Variants in FSTL5 observed in about 807,000 individuals in gnomAD.
The protein encoded by FSTL5 is follistatin like 5.
A neutral mutation model predicts 89.1 loss-of-function variants in FSTL5; 62 were observed. That is an observed-to-expected ratio of 0.70 (90% confidence interval 0.57 to 0.86). The LOEUF is 0.86. Ranked by LOEUF, FSTL5 falls within the 40% of genes least tolerant of loss-of-function variation. The pLI is 0.00. For synonymous variants in FSTL5, 383 were observed against 346.2 expected (o/e 1.11, Z -1.18); for missense variants, 1,057 against 1,001.6 (o/e 1.06, Z -0.75).
chr4:162,147,702 T>C (rs562919159), intron 1 of FSTL5, among the ~76,000 whole-genome samples: 2 of 152,336 alleles, frequency 1.3e-5, no homozygotes, highest in African/African-American at 2.4e-5. Flanking sequence ...CTACTTCTTA[T>C]TCATTTGTAT....
chr4:161,399,722 C>A (rs764916625), intron 15 of FSTL5, among the ~76,000 whole-genome samples: 14 of 152,034 alleles, frequency 9.2e-5, no homozygotes, highest in Non-Finnish European at 1.5e-4. Flanking sequence ...TACTGTGATA[C>A]AAAATTTAAT....
At chr4:161,496,623 GC>G (rs1247887684) in intron 12 of FSTL5, among the ~76,000 whole-genome samples, 1 of 152,070 alleles carries the variant, frequency 6.6e-6, no homozygotes, top group Non-Finnish European at 1.5e-5. Flanking sequence ...CAGACTGATG[GC>G]CTCAACAGTA....
chr4:161,895,662 A>G (rs1279789429), intron 4 of FSTL5, among the ~76,000 whole-genome samples: 1 of 152,170 alleles, frequency 6.6e-6, no homozygotes, highest in Non-Finnish European at 1.5e-5. Context: ...AATAATGTCA[A>G]TGATTATAAT....
At chr4:161,563,422 T>C (rs1322330071) in intron 8 of FSTL5, among the ~76,000 whole-genome samples, 1 of 151,990 alleles carries the variant, frequency 6.6e-6, no homozygotes. Flanking sequence ...TTATAGTGAA[T>C]AGGGCTCCAA....
At chr4:162,120,443 T>C (rs1335442258) in intron 1 of FSTL5, among the ~76,000 whole-genome samples, 1 of 152,064 alleles carries the variant, frequency 6.6e-6, no homozygotes, top group Non-Finnish European at 1.5e-5. Context: ...TAAAGCAAAA[T>C]GTTTAAGAAC....
chr4:162,001,658 T>A (rs1736468710), intron 3 of FSTL5, among the ~76,000 whole-genome samples: 1 of 148,022 alleles, frequency 6.8e-6, no homozygotes. Context: ...ATGTGTAACA[T>A]TCAACTAGTG....
At chr4:161,934,202 C>T (rs1734369005) in intron 3 of FSTL5, among the ~76,000 whole-genome samples, 1 of 152,068 alleles carries the variant, frequency 6.6e-6, no homozygotes, top group Non-Finnish European at 1.5e-5. Context: ...GAACTATTAA[C>T]CATCACATTA....
At chr4:161,511,658 A>C (rs775668795) in intron 10 of FSTL5, among the ~76,000 whole-genome samples, 6 of 152,128 alleles carry the variant, frequency 3.9e-5, no homozygotes, top group South Asian at 2.1e-4. Context: ...AACATATTCA[A>C]TCTTTGTCAA....
chr4:161,865,565 CATG>C (rs1355955236), intron 4 of FSTL5, among the ~76,000 whole-genome samples: 1 of 152,106 alleles, frequency 6.6e-6, no homozygotes, highest in African/African-American at 2.4e-5. Context: ...TCAGAAAAAT[CATG>C]ATAAGACATA....
At chr4:161,779,494 C>G (rs1026533851) in intron 4 of FSTL5, among the ~76,000 whole-genome samples, 2 of 151,460 alleles carry the variant, frequency 1.3e-5, no homozygotes, top group African/African-American at 4.8e-5. Context: ...ATTGAATCTT[C>G]CCAACAACCC....
intron 15 of FSTL5, among the ~76,000 whole-genome samples, chr4:161,399,697 G>A (rs1200133385): frequency 3.9e-5 from 6 of 152,054 alleles, no homozygotes; most frequent in Admixed American, 6.6e-5. Flanking sequence ...CTTGAGCACC[G>A]TGAGTGAGAC....
chr4:161,758,478 G>A (rs1228652819), intron 6 of FSTL5, among the ~76,000 whole-genome samples: 2 of 151,602 alleles, frequency 1.3e-5, no homozygotes, highest in Non-Finnish European at 2.9e-5. Flanking sequence ...CTTGTTTTTT[G>A]TTTATTGTTT....
chr4:161,400,097 C>A (rs1731134631), intron 15 of FSTL5, among the ~76,000 whole-genome samples: 1 of 151,980 alleles, frequency 6.6e-6, no homozygotes, highest in South Asian at 2.1e-4. Flanking sequence ...TTCTAGACTA[C>A]ACGGTTGTTC....
At chr4:161,800,364 C>G (rs1045960239) in intron 4 of FSTL5, among the ~76,000 whole-genome samples, 3 of 151,690 alleles carry the variant, frequency 2.0e-5, no homozygotes, top group Admixed American at 2.0e-4. Flanking sequence ...AATATAAGAA[C>G]TACAGCAACT....
chr4:161,728,503 G>C (rs1434621), intron 6 of FSTL5, among the ~76,000 whole-genome samples: 84,021 of 151,934 alleles, frequency 0.55, 27,887 homozygotes, highest in Non-Finnish European at 0.74. Context: ...GAGTGATGAT[G>C]ATAATGTTGA....
intron 6 of FSTL5, among the ~76,000 whole-genome samples, chr4:161,711,034 G>A (rs551984572): frequency 1.2e-4 from 19 of 152,238 alleles, no homozygotes; most frequent in African/African-American, 4.3e-4. Context: ...TAAGATGTAG[G>A]TAAGCAGTGC....
intron 4 of FSTL5, among the ~76,000 whole-genome samples, chr4:161,856,677 T>TAA (rs36064432): frequency 6.0e-5 from 9 of 149,486 alleles, no homozygotes; most frequent in South Asian, 2.1e-4. Context: ...TATATATATA[T>TAA]AAATATGTAT....
At chr4:161,542,151 A>G (rs1731839622) in intron 9 of FSTL5, among the ~76,000 whole-genome samples, 1 of 152,164 alleles carries the variant, frequency 6.6e-6, no homozygotes, top group East Asian at 1.9e-4. Context: ...GAAATCTTCT[A>G]TAATATATAT....
intron 10 of FSTL5, among the ~76,000 whole-genome samples, chr4:161,529,736 G>C (rs895765083): frequency 5.7e-5 from 8 of 141,118 alleles, no homozygotes; most frequent in Admixed American, 1.5e-4. Flanking sequence ...CTAGCTCTTA[G>C]CTCATCACTA....
Sources: allele counts gnomAD v4.1 joint callset (sites outside exome capture counted in the v4.1 genomes callset), GRCh38; gene constraint gnomAD v4.1.1; transcripts MANE v1.5; gene names NCBI Gene and HGNC (gene_info 2026-07-23, HGNC 2026-07-21).